Variants in CCDC197 observed in about 807,000 individuals in gnomAD.
The protein encoded by CCDC197 is uncharacterized protein CCDC197.
Under a neutral mutation model 13.4 loss-of-function variants are expected in CCDC197, and 24 were observed. The observed-to-expected ratio is 1.80, with a 90% CI of 1.30 to 2.53. The LOEUF is 2.53. Among genes scored for constraint, CCDC197 ranks in the 30% most tolerant of loss-of-function variants. The pLI is 0.00. For synonymous variants in CCDC197, 99 were observed against 55.5 expected (o/e 1.78, Z -3.48); for missense variants, 255 against 148.8 (o/e 1.71, Z -3.71).
intron 2 of CCDC197, among the ~76,000 whole-genome samples, chr14:93,999,181 G>A (rs990522577): frequency 6.6e-6 from 1 of 152,188 alleles, no homozygotes; most frequent in African/African-American, 2.4e-5. Flanking sequence ...CCCTGCTGTA[G>A]ATGGGCAACC....
At chr14:93,992,057 A>G (rs4905133) in intron 1 of CCDC197, among the ~76,000 whole-genome samples, 47,939 of 152,202 alleles carry the variant, frequency 0.31, 8,917 homozygotes, top group East Asian at 0.62. Flanking sequence ...GTAGCTTGAA[A>G]TCAGCCATGG....
At chr14:94,008,988 G>A, downstream of CCDC197, 1 of 555,150 alleles carries the variant, frequency 1.8e-6, no homozygotes, top group Non-Finnish European at 3.2e-6. Flanking sequence ...TGGGGGATTG[G>A]CAGGGATCCA....
intron 2 of CCDC197, 147 bp downstream of exon 2, chr14:93,998,382 GT>G: frequency 1.5e-6 from 1 of 650,876 alleles, no homozygotes. Context: ...AATGGGCGGG[GT>G]GGGGCTGAGC....
downstream of CCDC197, among the ~76,000 whole-genome samples, chr14:94,009,831 G>A (rs1031626331): frequency 1.3e-5 from 2 of 152,240 alleles, no homozygotes; most frequent in Admixed American, 1.3e-4. Flanking sequence ...GAAGGCACTT[G>A]CTTGCTTTCG....
At position 94,003,355 on chromosome 14, in the gene CCDC197, G is replaced by A. The variant is rs765055042; in HGVS notation, c.498+1G>A. ...CACACACACCAGCAGCAGCTATAAT[G>A]TGAGTCCAGTCTTTCAGCCTGGGGG... On this transcript the variant is annotated splice_donor_variant, in intron 5 of 6. Coordinates refer to ENST00000636493, the MANE Select transcript of CCDC197 (RefSeq NM_001351596.2). LOFTEE classifies it high-confidence loss of function. This position sits in a 1 kb window ranked among gnomAD's most constrained non-coding sequence, Gnocchi z 5.0. 8.0e-5 allele frequency: 50 copies of A among 623,880 alleles called. 1 individual carries two copies. The highest frequency in any genetic ancestry group is 1.3e-4 in the Non-Finnish European group (42 of 322,186). 38.6% of individuals were successfully genotyped at this position (623,880 alleles called of 1,614,324 possible). A position where few individuals can be genotyped will look rare whatever the true frequency, so the allele number is the denominator to read the frequency against.
At chr14:93,990,414 C>A (rs1890188776) in intron 1 of CCDC197, among the ~76,000 whole-genome samples, 1 of 152,194 alleles carries the variant, frequency 6.6e-6, no homozygotes, top group South Asian at 2.1e-4. Context: ...TTAAGAACAT[C>A]AGGAATCCAT....
rs995696418 is a variant in CCDC197 at position 93,999,767 on chromosome 14, A to C, written c.187+102A>C. On this transcript the variant is annotated intron_variant, in intron 3 of 6. Coordinates refer to ENST00000636493, the MANE Select transcript of CCDC197 (RefSeq NM_001351596.2). ...GGCCTCATGGAGCCACGAGCTGCTC[A>C]TCTACAGAATGGGAATCCACAAAGG... 4.2e-6 allele frequency: 3 copies of C among 716,590 alleles called. No homozygotes were observed. In the Admixed American group the frequency reaches 5.8e-5, roughly 14 times the overall value. The allele number at this position is 716,590 out of a possible 1,614,324, so 44.4% of individuals were successfully genotyped here.
At chr14:93,992,676 C>G (rs1033407893), upstream of CCDC197, among the ~76,000 whole-genome samples, 4 of 152,214 alleles carry the variant, frequency 2.6e-5, no homozygotes, top group African/African-American at 9.6e-5. Flanking sequence ...TCCACTGTGG[C>G]CCCTCGGACC....
chr14:93,991,498 T>C (rs1157902479), intron 1 of CCDC197, among the ~76,000 whole-genome samples: 2 of 152,192 alleles, frequency 1.3e-5, no homozygotes, highest in Non-Finnish European at 2.9e-5. Context: ...CCCAAAGCCG[T>C]GCATCTCCGA....
At chr14:93,990,499 T>G (rs1288447935) in intron 1 of CCDC197, among the ~76,000 whole-genome samples, 4 of 152,232 alleles carry the variant, frequency 2.6e-5, no homozygotes, top group African/African-American at 9.6e-5. Context: ...TGGAGTGGAC[T>G]GAGCCACTCT....
upstream of CCDC197, among the ~76,000 whole-genome samples, chr14:93,992,589 G>A (rs1362189881): frequency 6.6e-6 from 1 of 152,168 alleles, no homozygotes; most frequent in East Asian, 1.9e-4. Flanking sequence ...CTCTTGGGAG[G>A]GCATCTCCTC....
rs1321029725 is a variant in CCDC197, at chr14:93,997,338, T to C, written c.-367T>C. On this transcript the variant is annotated 5_prime_UTR_variant, in exon 1 of 7. An upstream start codon of the reference 5' UTR is lost. Coordinates refer to ENST00000636493, the MANE Select transcript of CCDC197 (RefSeq NM_001351596.2). ...TCCTCCTCCAGTGCCTGTCTACCTA[T>C]GTTTGATGCTTGGGGCTAGAAAGAC... 6.6e-6 allele frequency: 1 copy of C among 152,288 alleles called. No individual in the cohort carries two copies. The highest frequency in any genetic ancestry group is 1.5e-5 in the Non-Finnish European group (1 of 68,084). 9.4% of individuals were successfully genotyped at this position (152,288 alleles called of 1,614,324 possible). A position where few individuals can be genotyped will look rare whatever the true frequency, so the allele number is the denominator to read the frequency against.
intron 5 of CCDC197, 119 bp from the exon 6 acceptor site, chr14:94,004,736 G>A (rs1890631585): frequency 1.6e-6 from 1 of 620,056 alleles, no homozygotes; most frequent in East Asian, 2.8e-5. Context: ...TGATGAGAAG[G>A]ACACTCCCAG....
chr14:93,999,327 T>A (rs777156082), intron 2 of CCDC197: 2 of 456,078 alleles, frequency 4.4e-6, no homozygotes, highest in Non-Finnish European at 7.8e-6. Context: ...CAGCCTTCAT[T>A]CTCCCCCAGA....
At chr14:93,991,686 G>A (rs1207120020) in intron 1 of CCDC197, among the ~76,000 whole-genome samples, 1 of 152,180 alleles carries the variant, frequency 6.6e-6, no homozygotes, top group African/African-American at 2.4e-5. Flanking sequence ...GCCACACAGG[G>A]GTGAGGTCAT....
downstream of CCDC197, among the ~76,000 whole-genome samples, chr14:94,011,691 C>T (rs1244696630): frequency 1.3e-5 from 2 of 152,322 alleles, no homozygotes; most frequent in African/African-American, 4.8e-5. Context: ...AGTTCAGGTA[C>T]CTTACGAAAT....
At chr14:93,988,782 G>A (rs1890157250) in intron 1 of CCDC197, among the ~76,000 whole-genome samples, 1 of 130,274 alleles carries the variant, frequency 7.7e-6, no homozygotes, top group Non-Finnish European at 1.6e-5. Context: ...AATGGGAGAA[G>A]GGGATGGGAG....
upstream of CCDC197, among the ~76,000 whole-genome samples, chr14:93,994,184 T>C (rs1890248798): frequency 6.6e-6 from 1 of 152,212 alleles, no homozygotes; most frequent in Admixed American, 6.5e-5. Context: ...TATGCAGTTA[T>C]GCAGGATCTG....
At chr14:93,989,484 T>A (rs1890169055) in intron 1 of CCDC197, among the ~76,000 whole-genome samples, 1 of 152,166 alleles carries the variant, frequency 6.6e-6, no homozygotes, top group African/African-American at 2.4e-5. Flanking sequence ...GGCCCTGGCA[T>A]GCTCAGTGGG....
Sources: allele counts gnomAD v4.1 joint callset (sites outside exome capture counted in the v4.1 genomes callset), GRCh38; gene constraint gnomAD v4.1.1; non-coding constraint Gnocchi (gnomAD v3.1); transcripts MANE v1.5; gene names NCBI Gene and HGNC (gene_info 2026-07-23, HGNC 2026-07-21).